The following ARID5B variants were observed in gnomAD, a reference collection of about 807,000 sequenced individuals.
ARID5B encodes AT-rich interactive domain-containing protein 5B.
Under a neutral mutation model 97.2 loss-of-function variants are expected in ARID5B, and 13 were observed. That is an observed-to-expected ratio of 0.13 (90% CI 0.09 to 0.21). ARID5B has a LOEUF of 0.21. ARID5B is among the 10% of genes least tolerant of loss of function. The probability of loss-of-function intolerance (pLI) is 1.00; values close to 1 mark genes in which losing one functional copy is unlikely to be tolerated. For missense variants in ARID5B, 1,210 were observed against 1,465.3 expected, an observed-to-expected ratio of 0.83 and a Z score of 2.84; for synonymous variants, 556 against 570.3, an observed-to-expected ratio of 0.97 and a Z score of 0.36.
chr10:61,920,498 A>G (rs1843995138), intron 2 of ARID5B, among the ~76,000 whole-genome samples: 1 of 151,728 alleles, frequency 6.6e-6, no homozygotes, highest in Non-Finnish European at 1.5e-5. Flanking sequence ...ATGCCTGACT[A>G]ATTTTTTTTT....
At chr10:61,932,407 CTTTTTCT>C (rs1423787273) in intron 2 of ARID5B, among the ~76,000 whole-genome samples, 2 of 145,974 alleles carry the variant, frequency 1.4e-5, no homozygotes, top group East Asian at 4.2e-4. Flanking sequence ...TTTTCTTTTT[CTTTTTCT>C]TTTTTTTTTT....
chr10:61,987,832 A>C lies in ARID5B; in HGVS notation c.503-12259A>C, dbSNP rs142667115. 2.4e-3 allele frequency among the ~76,000 whole-genome samples: 361 copies of C among 152,368 alleles called. 2 individuals carry two copies. The highest frequency in any genetic ancestry group is 4.1e-3 in the Non-Finnish European group (277 of 68,032). On this transcript the variant is annotated intron_variant, in intron 3 of 9. Coordinates refer to ENST00000279873, the MANE Select transcript of ARID5B (RefSeq NM_032199.3). ...GAAACAGGGATCTGTAGCACTGGTA[A>C]CTCATGGTATGAAACCACAGAACTA...
Position 62,093,682 on chromosome 10 carries a change from A to C in ARID5B, c.*652A>C. On this transcript the variant is annotated 3_prime_UTR_variant, in exon 10 of 10. Coordinates refer to ENST00000279873, the MANE Select transcript of ARID5B (RefSeq NM_032199.3). ...TTTTTTTTTTTTTTTTTTTTTTATT[A>C]AATGGTATTGCTTTTGTTTGCAGGT... is the stretch of plus-strand genomic sequence containing the variant. The C allele has an allele frequency of 6.6e-6, 1 of 152,376 alleles. No individual in the cohort carries two copies. The highest frequency in any genetic ancestry group is 1.2e-5 in the Non-Finnish European group (1 of 85,466). 9.4% of individuals were successfully genotyped at this position (152,376 alleles called of 1,614,324 possible). A position where few individuals can be genotyped will look rare whatever the true frequency, so the allele number is the denominator to read the frequency against.
chr10:62,022,202 A>C (rs1224616250), intron 4 of ARID5B, among the ~76,000 whole-genome samples: 1 of 152,006 alleles, frequency 6.6e-6, no homozygotes, highest in Non-Finnish European at 1.5e-5. Context: ...AGATTGCAAA[A>C]CCCATGTGAG....
Position 61,940,043 on chromosome 10 carries a change from G to A in ARID5B, c.277-140G>A, listed in dbSNP as rs182833772. ...AATGAAGTGAGTTACTAAAGATTCT[G>A]TGTCACCAGAATGCACACAGTCTCC... On this transcript the variant is annotated intron_variant, in intron 2 of 9. Transcript: ENST00000279873. The A allele has an allele frequency of 9.3e-4, 620 of 669,440 alleles. 2 individuals carry two copies. The East Asian group carries it at 0.016, about 18-fold the overall frequency. 41.5% of individuals were successfully genotyped at this position (669,440 alleles called of 1,614,324 possible). A position where few individuals can be genotyped will look rare whatever the true frequency, so the allele number is the denominator to read the frequency against.
At chr10:61,924,142 C>G (rs1003160662) in intron 2 of ARID5B, among the ~76,000 whole-genome samples, 4 of 152,308 alleles carry the variant, frequency 2.6e-5, no homozygotes, top group Admixed American at 2.6e-4. Flanking sequence ...GTTTTCAGCC[C>G]CACCTTTAGA....
At chr10:61,924,472 G>A (rs985208304) in intron 2 of ARID5B, among the ~76,000 whole-genome samples, 16 of 152,194 alleles carry the variant, frequency 1.1e-4, no homozygotes, top group African/African-American at 3.6e-4. Flanking sequence ...TACAAAGTCC[G>A]TTTAAGTAAT....
intron 2 of ARID5B, among the ~76,000 whole-genome samples, chr10:61,905,386 T>C (rs1322844343): frequency 6.6e-6 from 1 of 151,982 alleles, no homozygotes; most frequent in Non-Finnish European, 1.5e-5. Flanking sequence ...AGCAGAAAAA[T>C]GATCATTGTG....
At chr10:61,996,569 A>G (rs1838999730) in intron 3 of ARID5B, among the ~76,000 whole-genome samples, 1 of 152,152 alleles carries the variant, frequency 6.6e-6, no homozygotes, top group African/African-American at 2.4e-5. Flanking sequence ...AAATTGGGGA[A>G]TATTAACAAC....
chr10:62,095,783 C>T lies in ARID5B; in HGVS notation c.*2753C>T. On this transcript the variant is annotated 3_prime_UTR_variant, in exon 10 of 10. Transcript: ENST00000279873. ...TTTGCATTGTTTGAGTTCAAGGGGCCTTATTATTGAATGGAATTGCACAAG... is the reference window on the plus strand; with the variant it reads ...TTTGCATTGTTTGAGTTCAAGGGGCTTTATTATTGAATGGAATTGCACAAG... 1 of 231,324 alleles carries T rather than the reference C, an allele frequency of 4.3e-6. No homozygotes were observed. 14.3% of individuals were successfully genotyped at this position (231,324 alleles called of 1,614,324 possible). A position where few individuals can be genotyped will look rare whatever the true frequency, so the allele number is the denominator to read the frequency against.
At chr10:62,049,314 C>G (rs1171282520) in intron 4 of ARID5B, 6 of 1,489,822 alleles carry the variant, frequency 4.0e-6, no homozygotes, top group Non-Finnish European at 4.5e-6. Context: ...ATGGAGCTGC[C>G]GGGGGAGGGG....
intron 4 of ARID5B, among the ~76,000 whole-genome samples, chr10:62,008,516 G>A (rs1564626421): frequency 1.3e-5 from 2 of 152,210 alleles, no homozygotes; most frequent in African/African-American, 2.4e-5. Context: ...TTGGCGTGTT[G>A]GGAAGTGGTT....
At chr10:62,047,093 G>A (rs1589273279) in intron 4 of ARID5B, 1 of 152,180 alleles carries the variant, frequency 6.6e-6, no homozygotes, top group African/African-American at 2.4e-5. Flanking sequence ...CCAGTTGCCT[G>A]TGTTGAAATC....
At chr10:61,970,876 A>G (rs1838616753) in intron 3 of ARID5B, among the ~76,000 whole-genome samples, 1 of 152,158 alleles carries the variant, frequency 6.6e-6, no homozygotes, top group Non-Finnish European at 1.5e-5. Flanking sequence ...CTTTCCCCCT[A>G]AACAATGGAT....
chr10:61,968,815 C>T (rs1838583688), intron 3 of ARID5B, among the ~76,000 whole-genome samples: 1 of 152,126 alleles, frequency 6.6e-6, no homozygotes, highest in Non-Finnish European at 1.5e-5. Flanking sequence ...ATAATTCCTG[C>T]TTTTTGCCCA....
intron 4 of ARID5B, among the ~76,000 whole-genome samples, chr10:62,044,805 G>A (rs530258365): frequency 9.9e-5 from 15 of 152,274 alleles, no homozygotes; most frequent in East Asian, 1.9e-4. Flanking sequence ...TTAGAACGTC[G>A]CGCAGGATCA....
rs538151965 is a variant in ARID5B at position 62,012,574 on chromosome 10, A to C, written c.733+12253A>C. Among the ~76,000 whole-genome samples, 14 of 152,292 alleles carry C rather than the reference A, an allele frequency of 9.2e-5. No homozygotes were observed. The South Asian group carries it at 2.7e-3, about 29-fold the overall frequency. ...GAGAAGTTAAATAAGCCAAAGTCAC[A>C]AAACTAGTAAGTGGTCAAGCTGGAT... On this transcript the variant is annotated intron_variant, in intron 4 of 9. Transcript: ENST00000279873.
At chr10:61,932,602 T>A (rs1844230487) in intron 2 of ARID5B, among the ~76,000 whole-genome samples, 1 of 152,084 alleles carries the variant, frequency 6.6e-6, no homozygotes, top group Admixed American at 6.6e-5. Context: ...AGATGCAGTT[T>A]CGCCATGTTG....
intron 5 of ARID5B, 152 bp from the exon 6 acceptor site, chr10:62,056,965 G>A (rs1490809701): frequency 2.9e-6 from 2 of 696,576 alleles, no homozygotes; most frequent in Non-Finnish European, 4.7e-6. Flanking sequence ...CATCTTCAGT[G>A]ATGCCTCTGA....
Sources: gnomAD v4.1 joint callset for allele counts (sites outside exome capture counted in the v4.1 genomes callset) on GRCh38, gnomAD v4.1.1 for gene constraint, MANE v1.5 for transcripts, NCBI Gene and HGNC (gene_info 2026-07-23, HGNC 2026-07-21) for gene names.